GALNT18: variants seen among roughly 807,000 people sequenced by gnomAD.
The protein encoded by GALNT18 is polypeptide N-acetylgalactosaminyltransferase 18, also known as GalNAc-transferase 18.
Under a neutral mutation model 69.5 loss-of-function variants are expected in GALNT18, and 44 were observed. That is an observed-to-expected ratio of 0.63 (90% CI 0.50 to 0.81). The LOEUF is 0.81. Ranked by LOEUF, GALNT18 falls within the 40% of genes least tolerant of loss-of-function variation. The pLI, the probability that GALNT18 is intolerant of heterozygous loss-of-function variation, is 0.00. For synonymous variants in GALNT18, 364 were observed against 318.2 expected, an observed-to-expected ratio of 1.14 and a Z score of -1.53; for missense variants, 715 against 810.0, an observed-to-expected ratio of 0.88 and a Z score of 1.42.
chr11:11,609,579 C>T (rs898243567), intron 1 of GALNT18, among the ~76,000 whole-genome samples: 1 of 152,228 alleles, frequency 6.6e-6, no homozygotes, highest in African/African-American at 2.4e-5. Context: ...AGAATCTGAG[C>T]ACATACCAAA....
At chr11:11,561,932 T>A (rs1338807864) in intron 1 of GALNT18, among the ~76,000 whole-genome samples, 1 of 152,254 alleles carries the variant, frequency 6.6e-6, no homozygotes, top group Non-Finnish European at 1.5e-5. Context: ...CTCTGCACCC[T>A]GACCAAGTAG....
chr11:11,315,587 G>C lies in GALNT18; in HGVS notation c.1512+11499C>G, dbSNP rs1472236771. On this transcript the variant is annotated intron_variant, in intron 9 of 10. Coordinates refer to ENST00000227756, the MANE Select transcript of GALNT18 (RefSeq NM_198516.3). This position sits in a 1 kb window ranked among gnomAD's most constrained non-coding sequence, Gnocchi z 5.6. The stretch of plus-strand genomic sequence containing the variant: ...TTCACCCGTGTAGAGTTTGCTCTTG[G>C]GTGAGGCATAGTAACACCTACCATC... 1.3e-5 allele frequency among the ~76,000 whole-genome samples: 2 copies of C among 152,066 alleles called. No homozygotes were observed. The highest frequency in any genetic ancestry group is 2.9e-5 in the Non-Finnish European group (2 of 68,004).
chr11:11,422,849 T>C (rs1055684453), intron 3 of GALNT18, among the ~76,000 whole-genome samples: 2 of 152,136 alleles, frequency 1.3e-5, no homozygotes, highest in Admixed American at 6.5e-5. Flanking sequence ...CATCACTACA[T>C]TGACTTTCTT....
In GALNT18 at chr11:11,621,164, G is replaced by C. The variant is rs1031306753; in HGVS notation, c.235+195C>G. Among the ~76,000 whole-genome samples, 2 of 152,160 alleles carry C rather than the reference G, an allele frequency of 1.3e-5. No individual in the cohort carries two copies. The highest frequency in any genetic ancestry group is 4.8e-5 in the African/African-American group (2 of 41,444). ...CCCTGCGCACACACGTGTGCCCCGG[G>C]GAAGAGCGCACGGCCGCAGACAGAA... On this transcript the variant is annotated intron_variant, in intron 1 of 10. Transcript: ENST00000227756. The surrounding 1 kb of genome is among the most constrained non-coding windows in gnomAD (Gnocchi z 9.3).
intron 3 of GALNT18, among the ~76,000 whole-genome samples, chr11:11,417,573 A>C (rs1331505078): frequency 6.6e-6 from 1 of 152,248 alleles, no homozygotes; most frequent in African/African-American, 2.4e-5. Context: ...AAAACTTGCC[A>C]GTCCTGCAGG....
Position 11,271,126 on chromosome 11 carries a change from G to T in GALNT18, c.*18C>A, listed in dbSNP as rs372538965. 1 of 1,602,420 alleles carries T rather than the reference G, an allele frequency of 6.2e-7. No homozygotes were observed. Among genetic ancestry groups the T allele is most frequent in the East Asian group, 2.2e-5 (1 of 44,504 alleles). ...GCTACACAGTAGCAAAGAGGCAGCC[G>T]GAAGTGGCCCCGGTGGGTCAGGACG... On this transcript the variant is annotated 3_prime_UTR_variant, in exon 11 of 11. Transcript: ENST00000227756.
chr11:11,531,002 T>C (rs1454683194), intron 1 of GALNT18, among the ~76,000 whole-genome samples: 1 of 152,202 alleles, frequency 6.6e-6, no homozygotes, highest in Non-Finnish European at 1.5e-5. Context: ...TGTGACGCCA[T>C]GCCTTGCACC....
In GALNT18 at chr11:11,497,748, T is replaced by TTATATA. The variant is rs1554943800; in HGVS notation, c.236-48813_236-48812insTATATA. The stretch of plus-strand genomic sequence containing the variant: ...AAATGTGTATGTGCATATACATATT[T>TTATATA]TCTATATATATATATATATACACAC... On this transcript the variant is annotated intron_variant, in intron 1 of 10. Coordinates refer to ENST00000227756, the MANE Select transcript of GALNT18 (RefSeq NM_198516.3). The surrounding 1 kb of genome is among the most constrained non-coding windows in gnomAD (Gnocchi z 4.2). Among the ~76,000 whole-genome samples, 1 of 46,902 alleles carries TTATATA rather than the reference T, an allele frequency of 2.1e-5. No individual in the cohort carries two copies. The highest frequency in any genetic ancestry group is 4.4e-5 in the Non-Finnish European group (1 of 22,606). 30.8% of individuals were successfully genotyped at this position (46,902 alleles called of 152,430 possible).
intron 3 of GALNT18, among the ~76,000 whole-genome samples, chr11:11,425,322 A>G (rs909707272): frequency 1.3e-5 from 2 of 152,242 alleles, no homozygotes; most frequent in Admixed American, 6.5e-5. Flanking sequence ...CTTCAAGCAC[A>G]TGAAGGGCTG....
rs1018784168 is a variant in GALNT18, at chr11:11,383,682, C to T, written c.596-4418G>A. On this transcript the variant is annotated intron_variant, in intron 3 of 10. Transcript: ENST00000227756. This position sits in a 1 kb window ranked among gnomAD's most constrained non-coding sequence, Gnocchi z 5.2. ...TTACTGATATGATTTGACTCTGTGT[C>T]CCCACCCAAATCTCATCTTGAATTG... 3.9e-5 allele frequency among the ~76,000 whole-genome samples: 6 copies of T among 152,184 alleles called. No homozygotes were observed. Among genetic ancestry groups the T allele is most frequent in the Admixed American group, 2.0e-4 (3 of 15,286 alleles).
rs528950918 is a variant in GALNT18, at chr11:11,621,637, TGTC to T, written c.-47_-45del. On this transcript the variant is annotated 5_prime_UTR_variant, in exon 1 of 11. Coordinates refer to ENST00000227756, the MANE Select transcript of GALNT18 (RefSeq NM_198516.3). The surrounding 1 kb of genome is among the most constrained non-coding windows in gnomAD (Gnocchi z 9.3). ...TATAGAGCTCCCGGGGGCCCTTCCT[TGTC>T]GTGCGCCCCGAACTCCCCCGCGCTC... 3.8e-4 allele frequency: 555 copies of T among 1,452,904 alleles called. 7 individuals are homozygous for T. The South Asian group carries it at 5.9e-3, about 16-fold the overall frequency. 90.0% of individuals were successfully genotyped at this position (1,452,904 alleles called of 1,614,324 possible).
chr11:11,306,968 C>T (rs10741541), intron 9 of GALNT18, among the ~76,000 whole-genome samples: 90,271 of 152,064 alleles, frequency 0.59, 27,278 homozygotes, highest in Admixed American at 0.74. Flanking sequence ...TGCCTGCCAC[C>T]ATGTGTAGAA....
chr11:11,500,019 G>A lies in GALNT18; in HGVS notation c.236-51083C>T, dbSNP rs1856942532. Among the ~76,000 whole-genome samples, 2 of 152,082 alleles carry A rather than the reference G, an allele frequency of 1.3e-5. No homozygotes were observed. Among genetic ancestry groups the A allele is most frequent in the African/African-American group, 4.8e-5 (2 of 41,432 alleles). ...AAAGATGCAGTCCTAGAGACACAGA[G>A]AAAGAAAAAAGATCAAGAGAAAGGG... On this transcript the variant is annotated intron_variant, in intron 1 of 10. Coordinates refer to ENST00000227756, the MANE Select transcript of GALNT18 (RefSeq NM_198516.3). The surrounding 1 kb of genome is among the most constrained non-coding windows in gnomAD (Gnocchi z 5.0).
chr11:11,334,206 C>A (rs543793774), intron 7 of GALNT18, among the ~76,000 whole-genome samples: 1 of 152,248 alleles, frequency 6.6e-6, no homozygotes, highest in South Asian at 2.1e-4. Context: ...TGGACACAAA[C>A]AGGGCAAATT....
At chr11:11,447,103 C>T (rs1855673773) in intron 2 of GALNT18, among the ~76,000 whole-genome samples, 1 of 152,190 alleles carries the variant, frequency 6.6e-6, no homozygotes, top group South Asian at 2.1e-4. Flanking sequence ...CCCTTACACA[C>T]CCCATTCCAG....
Position 11,430,024 on chromosome 11 carries a change from C to T in GALNT18, c.595+2597G>A, listed in dbSNP as rs1308031612. On this transcript the variant is annotated intron_variant, in intron 3 of 10. Coordinates refer to ENST00000227756, the MANE Select transcript of GALNT18 (RefSeq NM_198516.3). This position sits in a 1 kb window ranked among gnomAD's most constrained non-coding sequence, Gnocchi z 4.9. ...GGCATGGTGGATGCACCTGTCGTCCCAGCTACTCGGGAGGCTAAGATGGGA... is the reference window on the plus strand; with the variant it reads ...GGCATGGTGGATGCACCTGTCGTCCTAGCTACTCGGGAGGCTAAGATGGGA... Among the ~76,000 whole-genome samples the T allele has an allele frequency of 6.6e-6, 1 of 152,048 alleles. No individual in the cohort carries two copies. The highest frequency in any genetic ancestry group is 1.5e-5 in the Non-Finnish European group (1 of 68,012).
intron 1 of GALNT18, among the ~76,000 whole-genome samples, chr11:11,504,940 G>T (rs1335973964): frequency 6.6e-6 from 1 of 152,086 alleles, no homozygotes; most frequent in African/African-American, 2.4e-5. Flanking sequence ...GCCTCATCTG[G>T]GGAGGCACCC....
intron 1 of GALNT18, among the ~76,000 whole-genome samples, chr11:11,575,329 G>A (rs931912000): frequency 3.3e-5 from 5 of 152,116 alleles, no homozygotes; most frequent in African/African-American, 1.2e-4. Flanking sequence ...CTTCCTCCTG[G>A]CACCCCCTTC....
intron 3 of GALNT18, among the ~76,000 whole-genome samples, chr11:11,398,266 C>T (rs929301483): frequency 1.3e-5 from 2 of 152,142 alleles, no homozygotes; most frequent in African/African-American, 4.8e-5. Flanking sequence ...CTTAGAGGTC[C>T]TAGGATAAAC....
Sources: allele counts gnomAD v4.1 joint callset (sites outside exome capture counted in the v4.1 genomes callset), GRCh38; gene constraint gnomAD v4.1.1; non-coding constraint Gnocchi (gnomAD v3.1); transcripts MANE v1.5; gene names NCBI Gene and HGNC (gene_info 2026-07-23, HGNC 2026-07-21).